The following TPRG1 variants were observed in gnomAD, a reference collection of about 807,000 sequenced individuals.
TPRG1 encodes the protein tumor protein p63-regulated gene 1 protein.
In TPRG1, 29 loss-of-function variants were observed where a neutral mutation model predicts 29.3. That is an observed-to-expected ratio of 0.99 (90% confidence interval 0.74 to 1.35). TPRG1 has a LOEUF of 1.35. TPRG1 is among the 40% of genes most tolerant of loss of function. TPRG1 has a pLI of 0.00. For missense variants in TPRG1, 327 were observed against 335.0 expected (o/e 0.98, Z 0.19); for synonymous variants, 130 against 116.8 (o/e 1.11, Z -0.73).
chr3:189,242,234 T>A (rs1740731737), intron 4 of TPRG1, among the ~76,000 whole-genome samples: 1 of 152,174 alleles, frequency 6.6e-6, no homozygotes, highest in Non-Finnish European at 1.5e-5. Flanking sequence ...TTTCTCTGTG[T>A]GTTTCTGTAC....
At chr3:189,170,950 CAG>C (rs1479033206), upstream of TPRG1, among the ~76,000 whole-genome samples, 1 of 152,170 alleles carries the variant, frequency 6.6e-6, no homozygotes, top group Non-Finnish European at 1.5e-5. Context: ...CTGATTTGGC[CAG>C]AGTCTGCTGA....
At chr3:189,216,454 T>C (rs1381196459) in intron 3 of TPRG1, among the ~76,000 whole-genome samples, 1 of 152,224 alleles carries the variant, frequency 6.6e-6, no homozygotes, top group Non-Finnish European at 1.5e-5. Context: ...TTTTATACTA[T>C]TGTTTCAAAT....
At chr3:189,215,205 G>A (rs1735878946) in intron 2 of TPRG1, 87 bp from the exon 3 acceptor site, 1 of 1,075,800 alleles carries the variant, frequency 9.3e-7, no homozygotes, top group African/African-American at 1.6e-5. Flanking sequence ...CAGCTTTCCG[G>A]AGGAGCTGCT....
intron 4 of TPRG1, among the ~76,000 whole-genome samples, chr3:189,025,130 T>A (rs544708106): frequency 2.6e-5 from 4 of 152,156 alleles, no homozygotes; most frequent in Non-Finnish European, 5.9e-5. Flanking sequence ...CTGGAGTATG[T>A]AAAGCTCCTG....
At chr3:189,298,636 G>A (rs1348567908) in intron 4 of TPRG1, among the ~76,000 whole-genome samples, 3 of 152,104 alleles carry the variant, frequency 2.0e-5, no homozygotes, top group Non-Finnish European at 4.4e-5. Context: ...GCAGGGAAGG[G>A]GCCACAGAAT....
rs542247065 is a variant in TPRG1, at chr3:189,033,610, C to G, written c.-463+9664C>G. Reference sequence around the variant, plus strand: ...TCCTTTTTTTTTTTTGAGATGGAGTCACTTTGTCACCCAGGCTGGAGTGCA... The same window carrying G: ...TCCTTTTTTTTTTTTGAGATGGAGTGACTTTGTCACCCAGGCTGGAGTGCA... On this transcript the variant is annotated intron_variant, in intron 4 of 10. Transcript: ENST00000433971. Among the ~76,000 whole-genome samples, 18 of 149,960 alleles carry G rather than the reference C, an allele frequency of 1.2e-4. No individual in the cohort carries two copies. In the South Asian group the frequency reaches 3.8e-3, roughly 32 times the overall value.
chr3:189,071,408 TAC>T (rs140146383), intron 4 of TPRG1, among the ~76,000 whole-genome samples: 25 of 151,308 alleles, frequency 1.7e-4, no homozygotes, highest in South Asian at 4.2e-4. Context: ...GTATGAGTTT[TAC>T]ACACACACAC....
upstream of TPRG1, among the ~76,000 whole-genome samples, chr3:189,168,035 C>T (rs1728369142): frequency 2.0e-5 from 3 of 152,086 alleles, no homozygotes; most frequent in Admixed American, 1.3e-4. Flanking sequence ...AAATTGTTCT[C>T]TTTCATTGCG....
chr3:189,068,351 T>G (rs2152149301), intron 4 of TPRG1, among the ~76,000 whole-genome samples: 1 of 152,294 alleles, frequency 6.6e-6, no homozygotes, highest in African/African-American at 2.4e-5. Context: ...GTTGAAGAGA[T>G]AATTGCACTC....
chr3:189,053,288 T>C (rs1054655394), intron 4 of TPRG1, among the ~76,000 whole-genome samples: 5 of 152,170 alleles, frequency 3.3e-5, no homozygotes, highest in Non-Finnish European at 5.9e-5. Flanking sequence ...TTAGCCTTCA[T>C]AGAATTGAAG....
intron 3 of TPRG1, among the ~76,000 whole-genome samples, chr3:189,230,498 C>T (rs772659701): frequency 3.3e-5 from 5 of 152,226 alleles, no homozygotes; most frequent in African/African-American, 9.6e-5. Context: ...CCTCCACTCT[C>T]TTTGCTCTCT....
intron 1 of TPRG1, among the ~76,000 whole-genome samples, chr3:189,172,507 A>T (rs913824612): frequency 6.6e-6 from 1 of 152,196 alleles, no homozygotes; most frequent in African/African-American, 2.4e-5. Context: ...GGCCAAGATT[A>T]GATTTGATTC....
At chr3:189,017,099 C>G (rs916490654) in intron 3 of TPRG1, among the ~76,000 whole-genome samples, 1 of 151,832 alleles carries the variant, frequency 6.6e-6, no homozygotes, top group African/African-American at 2.4e-5. Context: ...GGTATCTTTT[C>G]ATAATCCCAT....
intron 1 of TPRG1, among the ~76,000 whole-genome samples, chr3:189,125,361 A>G (rs1202794017): frequency 6.6e-6 from 1 of 152,210 alleles, no homozygotes; most frequent in Non-Finnish European, 1.5e-5. Flanking sequence ...GAGGATCAAA[A>G]GAAATGATAT....
chr3:189,023,513 C>T (rs955829988), intron 3 of TPRG1, among the ~76,000 whole-genome samples: 36 of 152,190 alleles, frequency 2.4e-4, no homozygotes, highest in Admixed American at 2.2e-3. Context: ...TTAGCCATCT[C>T]AGCCTCAGCC....
intron 3 of TPRG1, among the ~76,000 whole-genome samples, chr3:189,229,426 A>G (rs1738293568): frequency 6.6e-6 from 1 of 152,216 alleles, no homozygotes; most frequent in South Asian, 2.1e-4. Context: ...AAGTCATTAG[A>G]CAGCCTGTGA....
At chr3:189,149,886 CT>C (rs947170652) in intron 4 of TPRG1, among the ~76,000 whole-genome samples, 6 of 152,174 alleles carry the variant, frequency 3.9e-5, no homozygotes, top group Non-Finnish European at 8.8e-5. Flanking sequence ...CATTGCATGA[CT>C]TTTCCCAGTA....
At chr3:189,006,022 G>A (rs1299947456) in intron 3 of TPRG1, among the ~76,000 whole-genome samples, 4 of 152,066 alleles carry the variant, frequency 2.6e-5, no homozygotes, top group East Asian at 1.9e-4. Context: ...TTCATGCCAG[G>A]AACACTAATT....
At chr3:189,198,259 C>A (rs555967267) in intron 1 of TPRG1, among the ~76,000 whole-genome samples, 1 of 152,244 alleles carries the variant, frequency 6.6e-6, no homozygotes, top group East Asian at 1.9e-4. Context: ...CTCTGAGGTG[C>A]CTTATTCCAC....
Sources: allele counts gnomAD v4.1 joint callset (sites outside exome capture counted in the v4.1 genomes callset), GRCh38; gene constraint gnomAD v4.1.1; transcripts MANE v1.5; gene names NCBI Gene and HGNC (gene_info 2026-07-23, HGNC 2026-07-21).